The following GRM1 variants were observed in gnomAD, a reference collection of about 807,000 sequenced individuals.
GRM1 encodes metabotropic glutamate receptor 1.
GRM1 carries 33 observed loss-of-function variants against 90.9 expected under a neutral mutation model. That is an observed-to-expected ratio of 0.36 (90% confidence interval 0.28 to 0.49). The LOEUF (loss-of-function observed/expected upper bound fraction) is 0.49, where lower values mean the gene tolerates loss of function less well. Among genes scored for constraint, GRM1 ranks in the 20% least tolerant of loss-of-function variants. The pLI is 0.99. For missense variants in GRM1, 1,190 were observed against 1,534.3 expected (o/e 0.78, Z 3.75); for synonymous variants, 700 against 613.2 (o/e 1.14, Z -2.09).
At chr6:146,112,420 T>A (rs1775592886) in intron 1 of GRM1, among the ~76,000 whole-genome samples, 1 of 152,142 alleles carries the variant, frequency 6.6e-6, no homozygotes, top group Non-Finnish European at 1.5e-5. Context: ...ACTAGTGAGT[T>A]CTCTATTGAG....
intron 1 of GRM1, among the ~76,000 whole-genome samples, chr6:146,043,141 A>G (rs1791179633): frequency 6.6e-6 from 1 of 151,918 alleles, no homozygotes; most frequent in African/African-American, 2.4e-5. Flanking sequence ...AAAAAAAATT[A>G]AAAAATAACC....
At chr6:146,127,049 G>C (rs974296590) in intron 1 of GRM1, among the ~76,000 whole-genome samples, 18 of 152,268 alleles carry the variant, frequency 1.2e-4, no homozygotes, top group African/African-American at 4.3e-4. Context: ...CCAGTGTCTT[G>C]AAAAGAGCCC....
intron 2 of GRM1, among the ~76,000 whole-genome samples, chr6:146,278,690 A>G (rs1782460269): frequency 6.6e-6 from 1 of 152,224 alleles, no homozygotes; most frequent in Admixed American, 6.5e-5. Context: ...AAGCTGAGGC[A>G]GGAGAATCAC....
intron 2 of GRM1, among the ~76,000 whole-genome samples, chr6:146,290,813 C>A (rs1782953045): frequency 6.6e-6 from 1 of 151,964 alleles, no homozygotes; most frequent in Admixed American, 6.6e-5. Context: ...GTGATGAGAC[C>A]TGGGAATATT....
chr6:146,397,458 A>C (rs1402723873), intron 6 of GRM1, among the ~76,000 whole-genome samples: 1 of 132,248 alleles, frequency 7.6e-6, no homozygotes, highest in Non-Finnish European at 1.6e-5. Flanking sequence ...TGGGCAACAG[A>C]GTGAGACCCC....
At chr6:146,098,025 CA>C (rs1157727533) in intron 1 of GRM1, among the ~76,000 whole-genome samples, 1 of 152,080 alleles carries the variant, frequency 6.6e-6, no homozygotes, top group Non-Finnish European at 1.5e-5. Context: ...TTATGGTGCA[CA>C]AGCTCCATAA....
At chr6:146,112,703 T>G (rs1775604246) in intron 1 of GRM1, among the ~76,000 whole-genome samples, 1 of 152,198 alleles carries the variant, frequency 6.6e-6, no homozygotes. Context: ...CTCAGGGACA[T>G]GCACTGATTT....
At chr6:146,123,588 GT>G (rs1776086044) in intron 1 of GRM1, among the ~76,000 whole-genome samples, 1 of 152,198 alleles carries the variant, frequency 6.6e-6, no homozygotes, top group Non-Finnish European at 1.5e-5. Context: ...ACAATCAGCA[GT>G]ACAGCAATTC....
chr6:146,242,916 T>C (rs543289858), intron 2 of GRM1, among the ~76,000 whole-genome samples: 4 of 152,230 alleles, frequency 2.6e-5, no homozygotes, highest in African/African-American at 9.6e-5. Flanking sequence ...CATGTTAGCA[T>C]TCTTTATCTA....
intron 2 of GRM1, among the ~76,000 whole-genome samples, chr6:146,222,348 G>GT (rs1157987509): frequency 6.6e-6 from 1 of 152,092 alleles, no homozygotes; most frequent in Non-Finnish European, 1.5e-5. Flanking sequence ...AAATGTATTA[G>GT]TTTGGGTTCT....
chr6:146,434,454 G>A lies in GRM1; in HGVS notation c.3243G>A (p.Gln1081=), dbSNP rs1226348944. The A allele has an allele frequency of 7.4e-6, 12 of 1,613,920 alleles. No individual in the cohort carries two copies. Among genetic ancestry groups the A allele is most frequent in the Non-Finnish European group, 1.0e-5 (12 of 1,180,018 alleles). The change falls in exon 8 of 8, where the codon CAG becomes CAA. Residue 1081 remains glutamine, a synonymous_variant. Coordinates refer to ENST00000282753, the MANE Select transcript of GRM1 (RefSeq NM_001278064.2). ...PPQHLQMLPL[Q]LSTFGEELVS... Reference sequence around the variant, plus strand: ...AGCACCTGCAGATGCTGCCGCTGCAGCTGAGCACCTTTGGGGAGGAGCTGG... The same window carrying A: ...AGCACCTGCAGATGCTGCCGCTGCAACTGAGCACCTTTGGGGAGGAGCTGG...
chr6:146,093,377 T>C (rs966483828), intron 1 of GRM1, among the ~76,000 whole-genome samples: 1 of 152,248 alleles, frequency 6.6e-6, no homozygotes, highest in Admixed American at 6.5e-5. Flanking sequence ...AATTCAGAGA[T>C]GATTCTCAGA....
chr6:146,270,493 C>T (rs1165581287), intron 2 of GRM1, among the ~76,000 whole-genome samples: 1 of 152,084 alleles, frequency 6.6e-6, no homozygotes, highest in Non-Finnish European at 1.5e-5. Context: ...ATAGGGAAGG[C>T]TTTCAGAACA....
intron 2 of GRM1, among the ~76,000 whole-genome samples, chr6:146,195,379 C>T (rs1779079683): frequency 6.6e-6 from 1 of 152,208 alleles, no homozygotes; most frequent in Admixed American, 6.5e-5. Context: ...AAACTTTTCA[C>T]CTATCTCTTC....
chr6:146,062,381 A>G (rs1250389380), intron 1 of GRM1, among the ~76,000 whole-genome samples: 2 of 151,990 alleles, frequency 1.3e-5, no homozygotes, highest in East Asian at 1.9e-4. Flanking sequence ...ATTAGGAGAA[A>G]TACCTAATGT....
At chr6:146,334,641 T>C (rs1444387499) in intron 3 of GRM1, among the ~76,000 whole-genome samples, 1 of 152,218 alleles carries the variant, frequency 6.6e-6, no homozygotes, top group African/African-American at 2.4e-5. Context: ...AAGACCAGAA[T>C]GCAAATCCAC....
chr6:146,302,839 G>T (rs1783438392), intron 2 of GRM1, among the ~76,000 whole-genome samples: 1 of 148,630 alleles, frequency 6.7e-6, no homozygotes, highest in African/African-American at 2.5e-5. Flanking sequence ...AAGTAGCAAA[G>T]AAAAGAAGAA....
chr6:146,224,384 T>C (rs1308072270), intron 2 of GRM1, among the ~76,000 whole-genome samples: 1 of 152,144 alleles, frequency 6.6e-6, no homozygotes, highest in Non-Finnish European at 1.5e-5. Context: ...AAGTACAACT[T>C]GCTAAATTAG....
intron 2 of GRM1, among the ~76,000 whole-genome samples, chr6:146,197,711 G>A (rs1466979736): frequency 6.6e-6 from 1 of 152,196 alleles, no homozygotes; most frequent in African/African-American, 2.4e-5. Flanking sequence ...CATCCTCTGT[G>A]AATGACAACT....
Sources: allele counts gnomAD v4.1 joint callset (sites outside exome capture counted in the v4.1 genomes callset), GRCh38; gene constraint gnomAD v4.1.1; transcripts MANE v1.5; gene names NCBI Gene and HGNC (gene_info 2026-07-23, HGNC 2026-07-21).